Variants in ATRX observed in about 807,000 individuals in gnomAD.
ATRX encodes the protein ATRX chromatin remodeler, also known as chromatin remodeler ATRX.
ATRX carries 12 observed loss-of-function variants against 172.6 expected under a neutral mutation model. That is an observed-to-expected ratio of 0.07 (90% confidence interval 0.04 to 0.11). The LOEUF (loss-of-function observed/expected upper bound fraction) is 0.11, where lower values mean the gene tolerates loss of function less well. Among genes scored for constraint, ATRX ranks in the 10% least tolerant of loss-of-function variants. The probability of loss-of-function intolerance (pLI) is 1.00; values close to 1 mark genes in which losing one functional copy is unlikely to be tolerated. For missense variants in ATRX, 1,368 were observed against 1,767.4 expected (o/e 0.77, Z 4.05); for synonymous variants, 674 against 594.7 (o/e 1.13, Z -1.94).
At chrX:77,738,291 A>T (rs2148835794) in intron 1 of ATRX, among the ~76,000 whole-genome samples, 1 of 106,167 alleles carries the variant, frequency 9.4e-6, no homozygotes, top group African/African-American at 3.4e-5. Flanking sequence ...GTCAGGATCA[A>T]GCCACTGCAC....
At chrX:77,595,470 C>G (rs1421599093) in intron 25 of ATRX, 1 of 111,615 alleles carries the variant, frequency 9.0e-6, no homozygotes, top group Non-Finnish European at 1.9e-5. Flanking sequence ...AAGGCCATGA[C>G]CGTAAATTCA....
intron 10 of ATRX, among the ~76,000 whole-genome samples, chrX:77,665,476 AT>A (rs1449567134): frequency 2.7e-5 from 3 of 111,935 alleles, no homozygotes; most frequent in African/African-American, 9.7e-5. Flanking sequence ...TTTAAAAAAA[AT>A]AGTGCAGTTG....
At chrX:77,760,304 G>C (rs2148905531) in intron 1 of ATRX, among the ~76,000 whole-genome samples, 1 of 106,477 alleles carries the variant, frequency 9.4e-6, no homozygotes, top group Admixed American at 1.0e-4. Context: ...ACTGTATGGT[G>C]CCACTTACAT....
chrX:77,682,576 T>G lies in ATRX; in HGVS notation c.2680A>C (p.Thr894Pro), dbSNP rs145807475. The G allele has an allele frequency of 4.7e-5, 57 of 1,209,135 alleles. No homozygotes were observed. In the African/African-American group the frequency reaches 8.7e-4, roughly 19 times the overall value. Reference sequence around the variant, plus strand: ...ATGATGGTCGTGTCTTTATCAACTGTGCCTTCTGCTGAAGAGAAAGTCTCT... The same window carrying G: ...ATGATGGTCGTGTCTTTATCAACTGGGCCTTCTGCTGAAGAGAAAGTCTCT... ...ERETFSSAEG[T>P]VDKDTTIMEL... The change falls in exon 9 of 35, where the codon ACA becomes CCA. Residue 894 changes from threonine (T) to proline (P), a missense_variant. Around this residue, in one of 17 missense-constraint regions of ATRX, gnomAD observed 843 missense variants for 643.1 expected, o/e 1.31. Transcript: ENST00000373344.
intron 1 of ATRX, among the ~76,000 whole-genome samples, chrX:77,759,707 CTG>C (rs1330586574): frequency 9.1e-6 from 1 of 110,461 alleles, no homozygotes; most frequent in Non-Finnish European, 1.9e-5. Context: ...CAGCGAGACT[CTG>C]TCTCAAAAAA....
chrX:77,783,629 A>G (rs1370616813), intron 1 of ATRX, among the ~76,000 whole-genome samples: 1 of 112,318 alleles, frequency 8.9e-6, no homozygotes, highest in Non-Finnish European at 1.9e-5. Context: ...GTGTAAAATA[A>G]TATTAACAAT....
intron 19 of ATRX, among the ~76,000 whole-genome samples, chrX:77,632,605 A>T (rs1286815019): frequency 8.9e-6 from 1 of 112,416 alleles, no homozygotes; most frequent in Non-Finnish European, 1.9e-5. Flanking sequence ...CTTAAATATG[A>T]TATGACAAGA....
rs782219207 is a variant in ATRX at position 77,697,649 on chromosome X, A to G, written c.190-14T>C. The G allele has an allele frequency of 8.3e-7, 1 of 1,201,578 alleles. No homozygotes were observed. ...AGAGCTAGTTCCCTAGATGTGAGAC[A>G]TAAATATAAAAGTGAATAAAATTCT... On this transcript the variant is annotated splice_polypyrimidine_tract_variant and intron_variant, in intron 3 of 34. Transcript: ENST00000373344.
rs5913683 is a variant in ATRX at position 77,582,757 on chromosome X, A to G, written c.6217+7077T>C. On this transcript the variant is annotated intron_variant, in intron 27 of 34. Transcript: ENST00000373344. ...TGGAAAACTTTAGAAGAAATGGATA[A>G]ATTTCTAGACACACACAACCTACCA... Among the ~76,000 whole-genome samples the G allele has an allele frequency of 7.0e-3, 780 of 111,800 alleles. 5 individuals carry two copies. Among genetic ancestry groups the G allele is most frequent in the South Asian group, 0.051 (136 of 2,657 alleles).
intron 22 of ATRX, among the ~76,000 whole-genome samples, chrX:77,607,618 G>A (rs782343666): frequency 9.4e-5 from 10 of 105,821 alleles, no homozygotes; most frequent in Non-Finnish European, 1.9e-4. Flanking sequence ...GGAGGCTGAG[G>A]CATGAGAATC....
chrX:77,566,403 T>A (rs2065199661), intron 28 of ATRX, among the ~76,000 whole-genome samples: 2 of 112,113 alleles, frequency 1.8e-5, no homozygotes, highest in African/African-American at 6.5e-5. Flanking sequence ...TATATCCAGC[T>A]GAAATACCAT....
intron 28 of ATRX, among the ~76,000 whole-genome samples, chrX:77,563,951 A>G (rs781789519): frequency 2.0e-4 from 22 of 110,402 alleles, no homozygotes; most frequent in African/African-American, 7.2e-4. Flanking sequence ...ATGATTACCA[A>G]TCTCCAAGGG....
At chrX:77,642,649 C>CA (rs1194667775) in intron 15 of ATRX, among the ~76,000 whole-genome samples, 119 of 46,842 alleles carry the variant, frequency 2.5e-3, no homozygotes, top group Non-Finnish European at 2.8e-3. Flanking sequence ...AGACTGTCTC[C>CA]AAAAAAAAAA....
intron 27 of ATRX, among the ~76,000 whole-genome samples, chrX:77,584,062 A>G (rs1474619509): frequency 8.9e-6 from 1 of 112,019 alleles, no homozygotes; most frequent in Non-Finnish European, 1.9e-5. Flanking sequence ...TAAGACATCA[A>G]GAAAGTAATC....
chrX:77,670,219 G>A (rs959596108), intron 10 of ATRX, among the ~76,000 whole-genome samples: 1 of 111,611 alleles, frequency 9.0e-6, no homozygotes, highest in East Asian at 2.8e-4. Context: ...TTAAAAATTG[G>A]TTTTTGTGTA....
At chrX:77,785,325 G>A (rs1311568550) in intron 1 of ATRX, among the ~76,000 whole-genome samples, 1 of 110,733 alleles carries the variant, frequency 9.0e-6, no homozygotes, top group Non-Finnish European at 1.9e-5. Context: ...AGGGTCCTCT[G>A]GAAGCAAAAC....
chrX:77,515,441 G>A (rs1013123958), intron 34 of ATRX, among the ~76,000 whole-genome samples: 1 of 110,144 alleles, frequency 9.1e-6, no homozygotes. Flanking sequence ...AAAAATCCAC[G>A]TGTGTAAAGG....
intron 1 of ATRX, among the ~76,000 whole-genome samples, chrX:77,733,700 C>T (rs1344578902): frequency 1.5e-5 from 1 of 66,067 alleles, no homozygotes; most frequent in African/African-American, 5.5e-5. Context: ...GAAACCCCAT[C>T]TATGCTAAAA....
intron 30 of ATRX, among the ~76,000 whole-genome samples, chrX:77,536,576 A>T (rs782133430): frequency 8.9e-6 from 1 of 112,141 alleles, no homozygotes; most frequent in South Asian, 3.7e-4. Flanking sequence ...TGACATTCAA[A>T]TATCTATATT....
Sources: gnomAD v4.1 joint callset for allele counts (sites outside exome capture counted in the v4.1 genomes callset) on GRCh38, gnomAD v4.1.1 for gene constraint, gnomAD v4.1.1 regional missense constraint, MANE v1.5 for transcripts, NCBI Gene and HGNC (gene_info 2026-07-23, HGNC 2026-07-21) for gene names.